The following GREM1 variants were observed in gnomAD, a reference collection of about 807,000 sequenced individuals.
GREM1 encodes gremlin-1.
Under a neutral mutation model 13.1 loss-of-function variants are expected in GREM1, and 6 were observed. The observed-to-expected ratio is 0.46, with a 90% CI of 0.25 to 0.91. GREM1 has a LOEUF of 0.91. Ranked by LOEUF, GREM1 falls within the 40% of genes least tolerant of loss-of-function variation. The pLI is 0.18. For synonymous variants in GREM1, 98 were observed against 93.7 expected, an observed-to-expected ratio of 1.05 and a Z score of -0.27; for missense variants, 185 against 233.9, an observed-to-expected ratio of 0.79 and a Z score of 1.36.
In GREM1 at chr15:32,730,944, A is replaced by T. The variant is rs764435884; in HGVS notation, c.254A>T (p.Glu85Val). The T allele has an allele frequency of 6.2e-7, 1 of 1,614,076 alleles. No individual in the cohort carries two copies. Among genetic ancestry groups the T allele is most frequent in the Non-Finnish European group, 8.5e-7 (1 of 1,180,022 alleles). Reference protein sequence around the residue: ...ESSQEALHVTERKYLKRDWCK... With the variant: ...ESSQEALHVTVRKYLKRDWCK... The stretch of plus-strand genomic sequence containing the variant: ...AGCCAAGAGGCCCTGCATGTGACGG[A>T]GCGCAAATACCTGAAGCGAGACTGG... The change falls in exon 2 of 2, where the codon GAG (glutamate) becomes GTG (valine). Residue 85 changes from glutamate to valine, a missense_variant. By Grantham distance (121) the Glu-to-Val change is moderately radical. Transcript: ENST00000651154.
intron 1 of GREM1, among the ~76,000 whole-genome samples, chr15:32,720,085 GTGTGTGTGTC>G (rs1178041604): frequency 1.3e-5 from 2 of 152,138 alleles, no homozygotes; most frequent in African/African-American, 4.8e-5. Context: ...GTGCGTGTGT[GTGTGTGTGTC>G]TGTGTGTGTG....
chr15:32,732,825 C>A lies in GREM1; in HGVS notation c.*1580C>A, dbSNP rs2055644579. 4.5e-6 allele frequency: 1 copy of A among 223,716 alleles called. No individual in the cohort carries two copies. Among genetic ancestry groups the A allele is most frequent in the Non-Finnish European group, 9.7e-6 (1 of 102,804 alleles). 13.9% of individuals were successfully genotyped at this position (223,716 alleles called of 1,614,324 possible). ...TTATTGTACTTTGGATTTGGTTAAC[C>A]TGTTTTCTTCAAGCCTGAGGTTTTA... On this transcript the variant is annotated 3_prime_UTR_variant, in exon 2 of 2. Coordinates refer to ENST00000651154, the MANE Select transcript of GREM1 (RefSeq NM_013372.7).
At position 32,740,908 on chromosome 15, in the gene GREM1, C is replaced by T. The variant is rs1287998790; in HGVS notation, c.*9663C>T. 10 of 152,068 alleles carry T rather than the reference C, an allele frequency of 6.6e-5. No homozygotes were observed. Among genetic ancestry groups the T allele is most frequent in the South Asian group, 4.1e-4 (2 of 4,820 alleles). The allele number at this position is 152,068 out of a possible 1,614,324, so 9.4% of individuals were successfully genotyped here. A position where few individuals can be genotyped will look rare whatever the true frequency, so the allele number is the denominator to read the frequency against. The stretch of plus-strand genomic sequence containing the variant: ...TCTAAAATCAATCATGGTGGCCAAA[C>T]GGAATGAGCATTCTGATTTGCCAGT... On this transcript the variant is annotated 3_prime_UTR_variant, in exon 2 of 2. Transcript: ENST00000651154.
rs2055690369 is a variant in GREM1 at position 32,735,835 on chromosome 15, C to G, written c.*4590C>G. ...CAACAATGCTTGAGATTCCCTGGTC[C>G]CCCAAAGAGTCTCTCCTCCATAAAA... On this transcript the variant is annotated 3_prime_UTR_variant, in exon 2 of 2. Transcript: ENST00000651154. 1 of 151,744 alleles carries G rather than the reference C, an allele frequency of 6.6e-6. No individual in the cohort carries two copies. The highest frequency in any genetic ancestry group is 2.4e-5 in the African/African-American group (1 of 41,282). The allele number at this position is 151,744 out of a possible 1,614,324, so 9.4% of individuals were successfully genotyped here. A position where few individuals can be genotyped will look rare whatever the true frequency, so the allele number is the denominator to read the frequency against.
Position 32,733,168 on chromosome 15 carries a change from A to G in GREM1, c.*1923A>G, listed in dbSNP as rs1339116035. ...ACGCTAGGCGAATTTGTCCAAACAC[A>G]TAGTGTGTGTGTTTTGTATACACTG... is the stretch of plus-strand genomic sequence containing the variant. On this transcript the variant is annotated 3_prime_UTR_variant, in exon 2 of 2. Transcript: ENST00000651154. 4.4e-6 allele frequency: 1 copy of G among 229,226 alleles called. No individual in the cohort carries two copies. Among genetic ancestry groups the G allele is most frequent in the East Asian group, 6.9e-5 (1 of 14,400 alleles). The allele number at this position is 229,226 out of a possible 1,614,324, so 14.2% of individuals were successfully genotyped here.
chr15:32,725,875 G>A (rs772637323), intron 1 of GREM1, among the ~76,000 whole-genome samples: 32 of 151,960 alleles, frequency 2.1e-4, no homozygotes, highest in African/African-American at 6.3e-4. Context: ...TTTTCCCAAC[G>A]TTATTTATTA....
intron 1 of GREM1, among the ~76,000 whole-genome samples, chr15:32,727,524 C>T (rs1443791358): frequency 6.6e-6 from 1 of 152,148 alleles, no homozygotes; most frequent in Non-Finnish European, 1.5e-5. Flanking sequence ...TTATGACAAA[C>T]CCACAGCCAG....
rs190097195 is a variant in GREM1 at position 32,736,677 on chromosome 15, C to G, written c.*5432C>G. ...ACTAACCAAGCAGAGACTTCAGTGT[C>G]CACACACAACAAAAAATACAGACTT... On this transcript the variant is annotated 3_prime_UTR_variant, in exon 2 of 2. Transcript: ENST00000651154. 1 of 152,240 alleles carries G rather than the reference C, an allele frequency of 6.6e-6. No homozygotes were observed. Among genetic ancestry groups the G allele is most frequent in the East Asian group, 1.9e-4 (1 of 5,174 alleles). 9.4% of individuals were successfully genotyped at this position (152,240 alleles called of 1,614,324 possible). A position where few individuals can be genotyped will look rare whatever the true frequency, so the allele number is the denominator to read the frequency against.
At position 32,742,575 on chromosome 15, in the gene GREM1, TGAAAAA is replaced by T. The variant is rs923163992; in HGVS notation, c.*11334_*11339del. ...AGACAATGAATAAACAAATCAATCTTGAAAAAGAAGAACAAAGCTGGAGGCATTATA... is the reference window on the plus strand; with the variant it reads ...AGACAATGAATAAACAAATCAATCTTGAAGAACAAAGCTGGAGGCATTATA... On this transcript the variant is annotated 3_prime_UTR_variant, in exon 2 of 2. Transcript: ENST00000651154. 6.6e-6 allele frequency: 1 copy of T among 152,202 alleles called. No homozygotes were observed. Among genetic ancestry groups the T allele is most frequent in the African/African-American group, 2.4e-5 (1 of 41,458 alleles). 9.4% of individuals were successfully genotyped at this position (152,202 alleles called of 1,614,324 possible). A position where few individuals can be genotyped will look rare whatever the true frequency, so the allele number is the denominator to read the frequency against.
At chr15:32,718,849 C>T (rs1007600934) in intron 1 of GREM1, 4 of 223,832 alleles carry the variant, frequency 1.8e-5, no homozygotes, top group African/African-American at 4.7e-5. Context: ...AGACACCACA[C>T]GCGCTCGCGG....
chr15:32,740,950 C>T lies in GREM1; in HGVS notation c.*9705C>T, dbSNP rs1347719584. The T allele has an allele frequency of 1.3e-5, 2 of 152,036 alleles. No homozygotes were observed. The highest frequency in any genetic ancestry group is 6.6e-5 in the Admixed American group (1 of 15,260). 9.4% of individuals were successfully genotyped at this position (152,036 alleles called of 1,614,324 possible). A position where few individuals can be genotyped will look rare whatever the true frequency, so the allele number is the denominator to read the frequency against. Reference sequence around the variant, plus strand: ...TTTGCCAGTGTGGTCTCATGTTACCCCTGTGCCTAGAAAGGAAACAGGAGA... The same window carrying T: ...TTTGCCAGTGTGGTCTCATGTTACCTCTGTGCCTAGAAAGGAAACAGGAGA... On this transcript the variant is annotated 3_prime_UTR_variant, in exon 2 of 2. Transcript: ENST00000651154.
intron 1 of GREM1, among the ~76,000 whole-genome samples, chr15:32,724,775 C>T (rs911700596): frequency 6.6e-6 from 1 of 152,116 alleles, no homozygotes; most frequent in Non-Finnish European, 1.5e-5. Flanking sequence ...TCTCCTAATG[C>T]TACCCCTTCC....
intron 1 of GREM1, among the ~76,000 whole-genome samples, chr15:32,720,604 G>C (rs1477286806): frequency 1.3e-5 from 2 of 152,290 alleles, no homozygotes; most frequent in East Asian, 1.9e-4. Flanking sequence ...CCGTGTCTTC[G>C]ATCTGCAAGG....
Position 32,738,417 on chromosome 15 carries a change from G to A in GREM1, c.*7172G>A, listed in dbSNP as rs1260260219. ...AAAATGTAACAGGAAGTGCAAGACT[G>A]GTACATTGAAAACAATAAAACATTG... On this transcript the variant is annotated 3_prime_UTR_variant, in exon 2 of 2. Coordinates refer to ENST00000651154, the MANE Select transcript of GREM1 (RefSeq NM_013372.7). The A allele has an allele frequency of 6.6e-6, 1 of 151,896 alleles. No individual in the cohort carries two copies. Among genetic ancestry groups the A allele is most frequent in the Non-Finnish European group, 1.5e-5 (1 of 68,002 alleles). The allele number at this position is 151,896 out of a possible 1,614,324, so 9.4% of individuals were successfully genotyped here.
rs767335121 is a variant in GREM1, at chr15:32,736,549, T to C, written c.*5304T>C. On this transcript the variant is annotated 3_prime_UTR_variant, in exon 2 of 2. Transcript: ENST00000651154. ...CAGAGTTGTCAATTGCATGGCGGAG[T>C]GTTGAGTGTGCCTCAGCATTCACAC... 6.6e-6 allele frequency: 1 copy of C among 152,032 alleles called. No individual in the cohort carries two copies. Among genetic ancestry groups the C allele is most frequent in the Non-Finnish European group, 1.5e-5 (1 of 68,022 alleles). 9.4% of individuals were successfully genotyped at this position (152,032 alleles called of 1,614,324 possible). A position where few individuals can be genotyped will look rare whatever the true frequency, so the allele number is the denominator to read the frequency against.
intron 1 of GREM1, among the ~76,000 whole-genome samples, chr15:32,730,187 A>G (rs2055591217): frequency 6.6e-6 from 1 of 152,166 alleles, no homozygotes; most frequent in Admixed American, 6.5e-5. Flanking sequence ...GTCTCCATGA[A>G]TCTCTCCTTC....
rs559610772 is a variant in GREM1 at position 32,739,456 on chromosome 15, A to C, written c.*8211A>C. 6.6e-6 allele frequency: 1 copy of C among 152,226 alleles called. No individual in the cohort carries two copies. The highest frequency in any genetic ancestry group is 1.9e-4 in the East Asian group (1 of 5,198). 9.4% of individuals were successfully genotyped at this position (152,226 alleles called of 1,614,324 possible). A position where few individuals can be genotyped will look rare whatever the true frequency, so the allele number is the denominator to read the frequency against. ...AGGCCTGAATTAAGGCAGCAGCCCT[A>C]AACCTTTTTCTATAATCCTGATAGT... On this transcript the variant is annotated 3_prime_UTR_variant, in exon 2 of 2. Coordinates refer to ENST00000651154, the MANE Select transcript of GREM1 (RefSeq NM_013372.7).
chr15:32,743,494 A>G lies in GREM1; in HGVS notation c.*12249A>G, dbSNP rs768262920. On this transcript the variant is annotated 3_prime_UTR_variant, in exon 2 of 2. Transcript: ENST00000651154. ...GTAACAAATTATGCCAAAATTTAGT[A>G]GCTTAAAACAACAAACATCTATTAT... is the stretch of plus-strand genomic sequence containing the variant. The G allele has an allele frequency of 6.6e-6, 1 of 152,234 alleles. No homozygotes were observed. Among genetic ancestry groups the G allele is most frequent in the Non-Finnish European group, 1.5e-5 (1 of 68,048 alleles). 9.4% of individuals were successfully genotyped at this position (152,234 alleles called of 1,614,324 possible). A position where few individuals can be genotyped will look rare whatever the true frequency, so the allele number is the denominator to read the frequency against.
chr15:32,729,284 C>T (rs375951125), intron 1 of GREM1, among the ~76,000 whole-genome samples: 221 of 152,286 alleles, frequency 1.5e-3, no homozygotes, highest in African/African-American at 4.9e-3. Flanking sequence ...ATCTGGGCCT[C>T]CCAAAGTGCT....
Sources: gnomAD v4.1 joint callset for allele counts (sites outside exome capture counted in the v4.1 genomes callset) on GRCh38, gnomAD v4.1.1 for gene constraint, MANE v1.5 for transcripts, NCBI Gene and HGNC (gene_info 2026-07-23, HGNC 2026-07-21) for gene names.